The following CFAP221 variants were observed in gnomAD, a reference collection of about 807,000 sequenced individuals.
CFAP221 encodes cilia and flagella associated protein 221, also known as cilia- and flagella-associated protein 221.
CFAP221 carries 97 observed loss-of-function variants against 113.1 expected under a neutral mutation model. The ratio of observed to expected loss-of-function variants is 0.86; its 90% CI spans 0.73 to 1.02. CFAP221 has a LOEUF of 1.02. Ranked by LOEUF, CFAP221 falls within the 50% of genes least tolerant of loss-of-function variation. The pLI, the probability that CFAP221 is intolerant of heterozygous loss-of-function variation, is 0.00. For missense variants in CFAP221, 1,025 were observed against 1,013.4 expected (o/e 1.01, Z -0.16); for synonymous variants, 331 against 354.4 (o/e 0.93, Z 0.74).
At chr2:119,642,225 C>A (rs559867103) in intron 21 of CFAP221, among the ~76,000 whole-genome samples, 1 of 152,308 alleles carries the variant, frequency 6.6e-6, no homozygotes, top group African/African-American at 2.4e-5. Flanking sequence ...CTGTATCTAT[C>A]TTCTTAGCAT....
intron 3 of CFAP221, among the ~76,000 whole-genome samples, chr2:119,559,078 G>A (rs1558911331): frequency 6.6e-6 from 1 of 152,298 alleles, no homozygotes; most frequent in South Asian, 2.1e-4. Flanking sequence ...CCTTTCAAAC[G>A]AAGGAAGGAA....
intron 13 of CFAP221, among the ~76,000 whole-genome samples, chr2:119,612,632 G>A (rs1685257101): frequency 1.3e-5 from 2 of 152,112 alleles, no homozygotes; most frequent in African/African-American, 4.8e-5. Flanking sequence ...TTCTGCCTCT[G>A]GCCCCTCCCA....
At chr2:119,568,977 T>A (rs1681845689) in intron 6 of CFAP221, among the ~76,000 whole-genome samples, 1 of 152,196 alleles carries the variant, frequency 6.6e-6, no homozygotes, top group Non-Finnish European at 1.5e-5. Flanking sequence ...GGGCACAGAA[T>A]TCTGAGTCGG....
Position 119,640,218 on chromosome 2 carries a change from A to AC in CFAP221, c.2225+346_2225+347insC, listed in dbSNP as rs1217758977. The stretch of plus-strand genomic sequence containing the variant: ...GAGAGAGACTCCATCTCAAAACAAA[A>AC]AAAAAAAAGGAAAAAAAATCATAAA... On this transcript the variant is annotated intron_variant, in intron 21 of 23. Coordinates refer to ENST00000413369, the MANE Select transcript of CFAP221 (RefSeq NM_001271049.2). Among the ~76,000 whole-genome samples, 16 of 151,072 alleles carry AC rather than the reference A, an allele frequency of 1.1e-4. 1 individual carries two copies. Among genetic ancestry groups the AC allele is most frequent in the Admixed American group, 1.1e-3 (16 of 15,138 alleles).
At chr2:119,569,335 G>T (rs1473245372) in intron 6 of CFAP221, among the ~76,000 whole-genome samples, 2 of 151,922 alleles carry the variant, frequency 1.3e-5, no homozygotes, top group Non-Finnish European at 2.9e-5. Flanking sequence ...AGCCAGGATG[G>T]CCTTGATCTC....
intron 21 of CFAP221, among the ~76,000 whole-genome samples, chr2:119,640,453 AAT>A (rs1687415068): frequency 6.6e-6 from 1 of 152,214 alleles, no homozygotes; most frequent in Non-Finnish European, 1.5e-5. Flanking sequence ...TTGCTTATTT[AAT>A]AGCTCTTCAA....
At chr2:119,639,612 G>A (rs1687356233) in intron 20 of CFAP221, among the ~76,000 whole-genome samples, 169 bp from the exon 21 acceptor site, 1 of 152,212 alleles carries the variant, frequency 6.6e-6, no homozygotes, top group Admixed American at 6.5e-5. Context: ...TGTTTAATGT[G>A]CTTTGCTGAA....
chr2:119,575,212 A>C (rs1403662122), intron 6 of CFAP221, among the ~76,000 whole-genome samples: 1 of 152,216 alleles, frequency 6.6e-6, no homozygotes, highest in African/African-American at 2.4e-5. Flanking sequence ...CAACAAAAAA[A>C]GAAATTAGTC....
chr2:119,615,202 G>A (rs1420835001), intron 13 of CFAP221, among the ~76,000 whole-genome samples: 1 of 152,170 alleles, frequency 6.6e-6, no homozygotes, highest in African/African-American at 2.4e-5. Flanking sequence ...GCACATGTGG[G>A]ACAATACATG....
intron 7 of CFAP221, among the ~76,000 whole-genome samples, chr2:119,592,610 T>C (rs1190064726): frequency 6.6e-6 from 1 of 152,240 alleles, no homozygotes; most frequent in Admixed American, 6.5e-5. Context: ...TCACAAATTC[T>C]TCACTTCAGT....
chr2:119,553,222 G>A (rs771143780), intron 3 of CFAP221, among the ~76,000 whole-genome samples: 1 of 152,162 alleles, frequency 6.6e-6, no homozygotes, highest in East Asian at 1.9e-4. Context: ...AGGCCATTGG[G>A]GGTAGCCCAA....
At chr2:119,594,549 G>A (rs1683828478) in intron 7 of CFAP221, among the ~76,000 whole-genome samples, 1 of 152,182 alleles carries the variant, frequency 6.6e-6, no homozygotes, top group African/African-American at 2.4e-5. Context: ...CAGTCATCAT[G>A]TGTATTCTTT....
intron 8 of CFAP221, chr2:119,602,587 T>C: frequency 1.0e-6 from 1 of 980,234 alleles, no homozygotes; most frequent in Non-Finnish European, 1.2e-6. Flanking sequence ...TAGATATTTA[T>C]ATCATGATTT....
In CFAP221 at chr2:119,630,851, C is replaced by T. The variant is rs1686725476; in HGVS notation, c.1924C>T (p.Pro642Ser). ...SGKTSVLSMK[P>S]PEALAMSLDY... ...CAAAACATCAGTCTTGAGCATGAAACCACCTGAGGCCTTAGCCATGTCTCT... is the reference window on the plus strand; with the variant it reads ...CAAAACATCAGTCTTGAGCATGAAATCACCTGAGGCCTTAGCCATGTCTCT... Residue 642 changes from proline to serine, a missense_variant, in exon 19 of 24, where the codon CCA becomes TCA. Transcript: ENST00000413369. The T allele has an allele frequency of 6.2e-7, 1 of 1,613,528 alleles. No homozygotes were observed. The highest frequency in any genetic ancestry group is 8.5e-7 in the Non-Finnish European group (1 of 1,179,406).
chr2:119,637,907 G>T (rs375624815), intron 19 of CFAP221, among the ~76,000 whole-genome samples: 16 of 152,112 alleles, frequency 1.1e-4, no homozygotes, highest in African/African-American at 3.6e-4. Context: ...TTAAACCAGT[G>T]TGCTCATTTA....
At chr2:119,645,894 T>G (rs7607167) in intron 21 of CFAP221, among the ~76,000 whole-genome samples, 151,213 of 152,274 alleles carry the variant, frequency 0.99, 75,088 homozygotes, top group Middle Eastern at 1. Context: ...ATCCATTGAT[T>G]TCTTTTCTGT....
At chr2:119,649,513 G>C (rs912957557) in intron 22 of CFAP221, among the ~76,000 whole-genome samples, 3 of 152,166 alleles carry the variant, frequency 2.0e-5, no homozygotes, top group Admixed American at 6.5e-5. Context: ...CAGTAAGTCA[G>C]GCAAAGCAGA....
chr2:119,610,285 G>T (rs1448582743), intron 12 of CFAP221, among the ~76,000 whole-genome samples: 1 of 152,146 alleles, frequency 6.6e-6, no homozygotes, highest in African/African-American at 2.4e-5. Flanking sequence ...CATTCTGTGT[G>T]TCCAGGGGAT....
chr2:119,547,817 A>C (rs1453672378), intron 2 of CFAP221, among the ~76,000 whole-genome samples: 1 of 152,186 alleles, frequency 6.6e-6, no homozygotes, highest in Non-Finnish European at 1.5e-5. Context: ...TGATGATCAA[A>C]GGGATGGGGT....
Sources: gnomAD v4.1 joint callset for allele counts (sites outside exome capture counted in the v4.1 genomes callset) on GRCh38, gnomAD v4.1.1 for gene constraint, MANE v1.5 for transcripts, NCBI Gene and HGNC (gene_info 2026-07-23, HGNC 2026-07-21) for gene names.